The following PCLO variants were observed in gnomAD, a reference collection of about 807,000 sequenced individuals.
PCLO encodes piccolo presynaptic cytomatrix protein.
A neutral mutation model predicts 427.5 loss-of-function variants in PCLO; 82 were observed. The ratio of observed to expected loss-of-function variants is 0.19; its 90% confidence interval spans 0.16 to 0.23. The LOEUF (loss-of-function observed/expected upper bound fraction) is 0.23. Among genes scored for constraint, PCLO ranks in the 10% least tolerant of loss-of-function variants. The probability of loss-of-function intolerance (pLI) is 1.00; values close to 1 mark genes in which losing one functional copy is unlikely to be tolerated. For synonymous variants in PCLO, 2,357 were observed against 2,155.4 expected (o/e 1.09, Z -2.59); for missense variants, 6,239 against 6,115.9 (o/e 1.02, Z -0.67).
intron 22 of PCLO, among the ~76,000 whole-genome samples, chr7:82,788,289 T>C (rs889154403): frequency 6.8e-6 from 1 of 148,060 alleles, no homozygotes; most frequent in Non-Finnish European, 1.5e-5. Context: ...TATATATAAT[T>C]GATATAGTTA....
chr7:82,793,188 A>G (rs1363423895), intron 22 of PCLO, among the ~76,000 whole-genome samples: 1 of 151,988 alleles, frequency 6.6e-6, no homozygotes, highest in Non-Finnish European at 1.5e-5. Flanking sequence ...AGAACTCTCC[A>G]TATATTTTTG....
In PCLO at chr7:83,032,181, C is replaced by T. The variant is rs1447298774; in HGVS notation, c.3301-65694G>A. Among the ~76,000 whole-genome samples the T allele has an allele frequency of 3.9e-5, 6 of 152,180 alleles. No homozygotes were observed. In the South Asian group the frequency reaches 6.2e-4, roughly 16 times the overall value. Reference sequence around the variant, plus strand: ...CACTCAGTCCTATTCATCTTTCCATCTGGCTTCTCTTTTCACTCTACAAAT... The same window carrying T: ...CACTCAGTCCTATTCATCTTTCCATTTGGCTTCTCTTTTCACTCTACAAAT... On this transcript the variant is annotated intron_variant, in intron 3 of 24. Transcript: ENST00000333891.
At chr7:82,888,810 C>T (rs1793687635) in intron 9 of PCLO, among the ~76,000 whole-genome samples, 1 of 152,006 alleles carries the variant, frequency 6.6e-6, no homozygotes. Flanking sequence ...AATCTATTAT[C>T]CTGCATGTTA....
intron 3 of PCLO, among the ~76,000 whole-genome samples, chr7:83,006,268 A>G (rs1787943659): frequency 6.6e-6 from 1 of 151,722 alleles, no homozygotes; most frequent in Non-Finnish European, 1.5e-5. Flanking sequence ...AGAAATGTAA[A>G]ACTTTAATCC....
chr7:82,815,475 T>C (rs1420752860), intron 20 of PCLO, among the ~76,000 whole-genome samples: 9 of 152,098 alleles, frequency 5.9e-5, no homozygotes, highest in Admixed American at 3.9e-4. Context: ...AAATATGTTT[T>C]CTATATTTCT....
At chr7:82,908,604 G>A (rs540101983) in intron 8 of PCLO, among the ~76,000 whole-genome samples, 9 of 152,112 alleles carry the variant, frequency 5.9e-5, no homozygotes, top group Middle Eastern at 3.4e-3. Flanking sequence ...TATTCTTCTT[G>A]TATAGCTGTG....
rs779105467 is a variant in PCLO at position 82,966,068 on chromosome 7, C to T, written c.3720G>A (p.Lys1240=). 2.5e-6 allele frequency: 4 copies of T among 1,612,894 alleles called. No individual in the cohort carries two copies. Among genetic ancestry groups the T allele is most frequent in the Non-Finnish European group, 3.4e-6 (4 of 1,179,680 alleles). ...EEKKPLLEEK[K]PTPEDKKLLP... ...GTAGCTTTTTGTCTTCAGGGGTTGG[C>T]TTTTTTTCTTCTAGGAGTGGCTTTT... The change falls in exon 4 of 25, where the codon AAG becomes AAA. Residue 1240 remains lysine, a synonymous_variant. Coordinates refer to ENST00000333891, the MANE Select transcript of PCLO (RefSeq NM_033026.6).
rs771899940 is a variant in PCLO at position 82,760,649 on chromosome 7, T to C, written c.15278A>G (p.His5093Arg). The C allele has an allele frequency of 1.9e-6, 3 of 1,592,058 alleles. No homozygotes were observed. The highest frequency in any genetic ancestry group is 2.2e-5 in the East Asian group (1 of 44,492). ...TFRFSLSPAGHSLQILLFSNG... is the reference protein window; with the variant it reads ...TFRFSLSPAGRSLQILLFSNG... ...ATAATACAGAGCTACCTGAAGAGAA[T>C]GTCCTGCAGGACTTAGACTGAATCG... The change falls in exon 24 of 25, where the codon CAT becomes CGT. Residue 5093 changes from histidine to arginine, a missense_variant. By Grantham distance (29) the His-to-Arg change is conservative. Transcript: ENST00000333891.
At position 82,835,662 on chromosome 7, in the gene PCLO, T is replaced by C; in HGVS notation, c.14249+5A>G. ...AGCTTGACACTGAAAGAGAAACAAC[T>C]CTACCTTGCATTCTGGACAACCATG... On this transcript the variant is annotated splice_donor_5th_base_variant and intron_variant, in intron 16 of 24. Coordinates refer to ENST00000333891, the MANE Select transcript of PCLO (RefSeq NM_033026.6). The C allele has an allele frequency of 6.2e-7, 1 of 1,608,514 alleles. No homozygotes were observed. Among genetic ancestry groups the C allele is most frequent in the Non-Finnish European group, 8.5e-7 (1 of 1,177,036 alleles).
intron 3 of PCLO, among the ~76,000 whole-genome samples, chr7:83,075,311 G>A (rs1789924043): frequency 6.6e-6 from 1 of 152,074 alleles, no homozygotes; most frequent in South Asian, 2.1e-4. Flanking sequence ...ATTTGGATGA[G>A]GAGTCAGTCA....
intron 22 of PCLO, among the ~76,000 whole-genome samples, chr7:82,773,615 A>G (rs6949046): frequency 7.9e-5 from 12 of 152,032 alleles, no homozygotes; most frequent in Admixed American, 6.6e-4. Flanking sequence ...CTTTCTAAAC[A>G]CTATTTTTCC....
At chr7:82,992,173 TACCTTGGTCCCACACC>T (rs1796392604) in intron 3 of PCLO, among the ~76,000 whole-genome samples, 1 of 152,136 alleles carries the variant, frequency 6.6e-6, no homozygotes, top group Non-Finnish European at 1.5e-5. Context: ...ACTGATTGAT[TACCTTGGTCCCACACC>T]ATTGGAACTA....
At chr7:82,968,104 T>G (rs1449306135) in intron 3 of PCLO, among the ~76,000 whole-genome samples, 2 of 152,242 alleles carry the variant, frequency 1.3e-5, no homozygotes, top group Non-Finnish European at 2.9e-5. Context: ...ACTATGATTA[T>G]TTTGCAATCT....
intron 6 of PCLO, among the ~76,000 whole-genome samples, chr7:82,946,369 C>A (rs1276536516): frequency 6.6e-6 from 1 of 152,142 alleles, no homozygotes; most frequent in Non-Finnish European, 1.5e-5. Context: ...AAAATTCCTG[C>A]TCTTGTAGAG....
chr7:83,043,150 C>G (rs563611624), intron 3 of PCLO, among the ~76,000 whole-genome samples: 1 of 152,238 alleles, frequency 6.6e-6, no homozygotes, highest in East Asian at 1.9e-4. Context: ...AAAATGCCTC[C>G]AGACATTCCC....
At chr7:82,771,777 C>G (rs1404353719) in intron 22 of PCLO, among the ~76,000 whole-genome samples, 6 of 151,842 alleles carry the variant, frequency 4.0e-5, no homozygotes, top group African/African-American at 9.7e-5. Flanking sequence ...ATTGTGGAGA[C>G]AGGAGTGGTT....
chr7:83,109,372 A>T (rs1377483847), intron 3 of PCLO, among the ~76,000 whole-genome samples: 2 of 152,142 alleles, frequency 1.3e-5, no homozygotes, highest in African/African-American at 4.8e-5. Flanking sequence ...GGGAAGTGAT[A>T]TGTTCCCCAC....
chr7:83,154,473 A>G (rs1362654856), intron 2 of PCLO, among the ~76,000 whole-genome samples: 3 of 152,220 alleles, frequency 2.0e-5, no homozygotes, highest in African/African-American at 7.2e-5. Flanking sequence ...TGTGGGTCTT[A>G]AATACAGAGT....
In PCLO at chr7:82,954,954, T is replaced by C. The variant is rs1473574945; in HGVS notation, c.5999A>G (p.Tyr2000Cys). 2 of 1,613,734 alleles carry C rather than the reference T, an allele frequency of 1.2e-6. No homozygotes were observed. Among genetic ancestry groups the C allele is most frequent in the East Asian group, 2.2e-5 (1 of 44,886 alleles). Residue 2000 changes from tyrosine (Y) to cysteine (C), a missense_variant, in exon 5 of 25, where the codon TAT becomes TGT. Tyr to Cys is a radical substitution (Grantham distance 194). Coordinates refer to ENST00000333891, the MANE Select transcript of PCLO (RefSeq NM_033026.6). ...EQKIRLSEQI[Y>C]EDPMQKITDL... ...TGTAATTTTCTGCATAGGATCTTCA[T>C]AAATCTGTTCTGAAAGTCTTATCTT...
Sources: allele counts gnomAD v4.1 joint callset (sites outside exome capture counted in the v4.1 genomes callset), GRCh38; gene constraint gnomAD v4.1.1; transcripts MANE v1.5; gene names NCBI Gene and HGNC (gene_info 2026-07-23, HGNC 2026-07-21).